Variants in ATP11A observed in about 807,000 individuals in gnomAD.
ATP11A encodes phospholipid-transporting ATPase IH.
In ATP11A, 81 loss-of-function variants were observed where a neutral mutation model predicts 154.4. That is an observed-to-expected ratio of 0.52 (90% confidence interval 0.44 to 0.63). ATP11A has a LOEUF of 0.63. Among genes scored for constraint, ATP11A ranks in the 30% least tolerant of loss-of-function variants. The pLI is 0.00. For missense variants in ATP11A, 1,316 were observed against 1,474.3 expected, an observed-to-expected ratio of 0.89 and a Z score of 1.76; for synonymous variants, 623 against 585.9, an observed-to-expected ratio of 1.06 and a Z score of -0.91.
intron 29 of ATP11A, chr13:112,881,316 T>A: frequency 3.0e-6 from 3 of 1,004,476 alleles, no homozygotes; most frequent in Non-Finnish European, 3.6e-6. Context: ...TATGGTGACA[T>A]CCTAGGCAAC....
intron 1 of ATP11A, among the ~76,000 whole-genome samples, chr13:112,747,734 G>C (rs977601051): frequency 2.0e-5 from 3 of 152,200 alleles, no homozygotes; most frequent in Admixed American, 6.5e-5. Flanking sequence ...TACTCGGGAG[G>C]CTGAGGCAGG....
At chr13:112,759,811 T>G (rs1197947334) in intron 1 of ATP11A, among the ~76,000 whole-genome samples, 1 of 152,246 alleles carries the variant, frequency 6.6e-6, no homozygotes, top group Non-Finnish European at 1.5e-5. Context: ...TTATAAAATG[T>G]TATAAACATT....
intron 29 of ATP11A, 178 bp downstream of exon 29, chr13:112,878,481 C>A (rs1473100157): frequency 1.4e-5 from 9 of 639,802 alleles, no homozygotes; most frequent in Non-Finnish European, 1.9e-5. Flanking sequence ...ACAGACTGAT[C>A]ATGGGCTGTG....
At chr13:112,761,631 G>A (rs370468) in intron 1 of ATP11A, among the ~76,000 whole-genome samples, 2,720 of 41,994 alleles carry the variant, frequency 0.065, 118 homozygotes, top group African/African-American at 0.13. Context: ...GGATTCAGGA[G>A]TCCCCTGGGG....
intron 1 of ATP11A, among the ~76,000 whole-genome samples, chr13:112,763,989 A>G (rs2139893450): frequency 6.6e-6 from 1 of 152,358 alleles, no homozygotes; most frequent in Non-Finnish European, 1.5e-5. Flanking sequence ...CTTTGGCAAA[A>G]TAAACCCCTA....
chr13:112,721,126 G>T (rs1398397656), intron 1 of ATP11A, among the ~76,000 whole-genome samples: 1 of 152,224 alleles, frequency 6.6e-6, no homozygotes, highest in African/African-American at 2.4e-5. Flanking sequence ...TGTCCGGTCA[G>T]AAGTGGAAGG....
intron 2 of ATP11A, among the ~76,000 whole-genome samples, chr13:112,801,986 C>G (rs1345557163): frequency 1.3e-5 from 2 of 152,230 alleles, no homozygotes; most frequent in Non-Finnish European, 2.9e-5. Context: ...AGAACTGACA[C>G]TAGCCCACTT....
At chr13:112,822,935 G>A (rs530704987) in intron 8 of ATP11A, among the ~76,000 whole-genome samples, 80 of 152,222 alleles carry the variant, frequency 5.3e-4, no homozygotes, top group Admixed American at 8.5e-4. Context: ...GGCCTGGGAC[G>A]ATCTTCCTGA....
In ATP11A at chr13:112,735,027, G is replaced by T. The variant is rs561871497; in HGVS notation, c.39+44572G>T. The stretch of plus-strand genomic sequence containing the variant: ...CACAATTAAACACAACATAAAAGAG[G>T]ACTTTTTTTAAAAAAAGAAAAAAGC... On this transcript the variant is annotated intron_variant, in intron 1 of 29. Coordinates refer to ENST00000375645, the MANE Select transcript of ATP11A (RefSeq NM_015205.3). 3.3e-5 allele frequency among the ~76,000 whole-genome samples: 5 copies of T among 152,188 alleles called. No homozygotes were observed. In the South Asian group the frequency reaches 1.0e-3, roughly 32 times the overall value.
intron 14 of ATP11A, among the ~76,000 whole-genome samples, chr13:112,833,816 C>T (rs930014606): frequency 1.3e-5 from 2 of 152,168 alleles, no homozygotes; most frequent in Admixed American, 1.3e-4. Context: ...ACACAAGTGC[C>T]CAGGAATGCC....
chr13:112,843,999 G>T lies in ATP11A; in HGVS notation c.1809+1620G>T, dbSNP rs141463349. On this transcript the variant is annotated intron_variant, in intron 17 of 29. Coordinates refer to ENST00000375645, the MANE Select transcript of ATP11A (RefSeq NM_015205.3). Reference sequence around the variant, plus strand: ...CAGAGCTGCAGGGTGGGAGCCGAGCGGGTTCCTCTGAGCAGCACAAGCGTC... The same window carrying T: ...CAGAGCTGCAGGGTGGGAGCCGAGCTGGTTCCTCTGAGCAGCACAAGCGTC... Among the ~76,000 whole-genome samples the T allele has an allele frequency of 5.3e-3, 806 of 152,312 alleles. 8 individuals carry two copies. The highest frequency in any genetic ancestry group is 9.0e-3 in the Non-Finnish European group (609 of 68,026).
intron 6 of ATP11A, among the ~76,000 whole-genome samples, chr13:112,818,945 C>A (rs767144214): frequency 4.6e-5 from 7 of 152,212 alleles, no homozygotes; most frequent in Non-Finnish European, 4.4e-5. Context: ...TGTGACCGCT[C>A]CCCGTAAACA....
intron 4 of ATP11A, among the ~76,000 whole-genome samples, chr13:112,808,389 C>T (rs2078385104): frequency 3.9e-5 from 6 of 152,092 alleles, no homozygotes; most frequent in Admixed American, 3.3e-4. Context: ...CTTCCTCTCC[C>T]GCGCGTCCTG....
In ATP11A at chr13:112,826,681, T is replaced by C. The variant is rs1268950391; in HGVS notation, c.1024-13T>C. The C allele has an allele frequency of 1.6e-5, 26 of 1,613,632 alleles. No individual in the cohort carries two copies. The Middle Eastern group carries it at 5.1e-4, about 32-fold the overall frequency. On this transcript the variant is annotated splice_polypyrimidine_tract_variant and intron_variant, in intron 11 of 29. Coordinates refer to ENST00000375645, the MANE Select transcript of ATP11A (RefSeq NM_015205.3). ...CTGGTGGAGGTGCTGACCCGCACCT[T>C]CTGCTCTTGCAGTTCCTCAAGGCAT...
At chr13:112,728,769 A>G (rs1890174552) in intron 1 of ATP11A, among the ~76,000 whole-genome samples, 1 of 152,074 alleles carries the variant, frequency 6.6e-6, no homozygotes, top group Non-Finnish European at 1.5e-5. Flanking sequence ...GTGATCGCTT[A>G]CCTCTGCTGT....
chr13:112,851,002 T>G, intron 17 of ATP11A, 35 bp from the exon 18 acceptor site: 1 of 1,593,868 alleles, frequency 6.3e-7, no homozygotes, highest in Non-Finnish European at 8.6e-7. Flanking sequence ...AGTGACACCT[T>G]GAATTCGTGC....
chr13:112,788,971 G>T (rs12866513), intron 2 of ATP11A, among the ~76,000 whole-genome samples: 1 of 151,494 alleles, frequency 6.6e-6, no homozygotes, highest in Non-Finnish European at 1.5e-5. Flanking sequence ...GCATCTTGAC[G>T]TGTAGACTCC....
At chr13:112,866,697 T>A (rs1216244899) in intron 25 of ATP11A, among the ~76,000 whole-genome samples, 1 of 105,972 alleles carries the variant, frequency 9.4e-6, no homozygotes, top group African/African-American at 3.3e-5. Flanking sequence ...GACCTCTCTC[T>A]CCCTGTGTGT....
In ATP11A at chr13:112,860,389, C is replaced by T. The variant is rs2080066974; in HGVS notation, c.2830C>T (p.Leu944Phe). Residue 944 changes from leucine (L) to phenylalanine (F), a missense_variant, in exon 24 of 30, where the codon CTC becomes TTC. Leu to Phe is a conservative substitution (Grantham distance 22). This residue lies in a region of ATP11A where 294 missense variants were observed against 290.2 expected (regional missense o/e 1.01). Transcript: ENST00000375645. ...GGAGCAGCATGTTGGCATTGACGTG[C>T]TCAAGAGAGACCCGACCCTGTACAG... Reference protein sequence around the residue: ...LMEQHVGIDVLKRDPTLYRDV... With the variant: ...LMEQHVGIDVFKRDPTLYRDV... The T allele has an allele frequency of 6.2e-7, 1 of 1,614,186 alleles. No individual in the cohort carries two copies.
Sources: gnomAD v4.1 joint callset for allele counts (sites outside exome capture counted in the v4.1 genomes callset) on GRCh38, gnomAD v4.1.1 for gene constraint, gnomAD v4.1.1 regional missense constraint, MANE v1.5 for transcripts, NCBI Gene and HGNC (gene_info 2026-07-23, HGNC 2026-07-21) for gene names.